Variants in THEMIS observed in about 807,000 individuals in gnomAD.
THEMIS encodes the protein thymocyte selection associated, also known as protein THEMIS.
THEMIS carries 37 observed loss-of-function variants against 52.6 expected under a neutral mutation model. That is an observed-to-expected ratio of 0.70 (90% CI 0.54 to 0.93). The LOEUF (loss-of-function observed/expected upper bound fraction) is 0.93, where lower values mean the gene tolerates loss of function less well. Among genes scored for constraint, THEMIS ranks in the 40% least tolerant of loss-of-function variants. THEMIS has a pLI of 0.00. For missense variants in THEMIS, 808 were observed against 763.1 expected, an observed-to-expected ratio of 1.06 and a Z score of -0.69; for synonymous variants, 292 against 272.7, an observed-to-expected ratio of 1.07 and a Z score of -0.70.
intron 1 of THEMIS, among the ~76,000 whole-genome samples, chr6:127,870,248 A>T (rs1447802050): frequency 6.6e-6 from 1 of 152,174 alleles, no homozygotes; most frequent in East Asian, 1.9e-4. Flanking sequence ...GCCCAGTAAT[A>T]AGGCAATGCT....
chr6:127,784,987 CTATCTATCTATCTATCTAT>C (rs746205284), intron 4 of THEMIS, among the ~76,000 whole-genome samples: 9,840 of 144,048 alleles, frequency 0.068, 334 homozygotes, highest in Non-Finnish European at 0.083. Flanking sequence ...ATCTATCTAT[CTATCTATCTATCTATCTAT>C]TATCTATCTA....
At chr6:127,786,519 G>T (rs1776953877) in intron 4 of THEMIS, among the ~76,000 whole-genome samples, 1 of 152,164 alleles carries the variant, frequency 6.6e-6, no homozygotes, top group African/African-American at 2.4e-5. Context: ...AGCCAGTGTT[G>T]GTTGAGTATT....
chr6:127,897,587 T>C (rs767499096), intron 1 of THEMIS, among the ~76,000 whole-genome samples: 6 of 151,564 alleles, frequency 4.0e-5, no homozygotes, highest in Non-Finnish European at 7.4e-5. Flanking sequence ...ACTAAAACCA[T>C]GAGCTACCAC....
chr6:127,767,933 A>T (rs1776255887), intron 4 of THEMIS, among the ~76,000 whole-genome samples: 1 of 152,140 alleles, frequency 6.6e-6, no homozygotes, highest in South Asian at 2.1e-4. Context: ...TTATGAGACC[A>T]CTGTATATAT....
intron 4 of THEMIS, among the ~76,000 whole-genome samples, chr6:127,755,652 C>T (rs1244851183): frequency 6.6e-6 from 1 of 152,160 alleles, no homozygotes; most frequent in Non-Finnish European, 1.5e-5. Flanking sequence ...CATTCAAGCA[C>T]AGAAGAGGAT....
At chr6:127,793,329 T>C (rs1562261346) in intron 4 of THEMIS, among the ~76,000 whole-genome samples, 1 of 152,196 alleles carries the variant, frequency 6.6e-6, no homozygotes, top group Non-Finnish European at 1.5e-5. Flanking sequence ...GGAACCTCCA[T>C]GTGCATATCT....
chr6:127,743,699 A>G (rs143465592), intron 4 of THEMIS, among the ~76,000 whole-genome samples: 2 of 152,094 alleles, frequency 1.3e-5, no homozygotes, highest in Non-Finnish European at 2.9e-5. Flanking sequence ...GATGAAAAGG[A>G]TGATGATTAA....
In THEMIS at chr6:127,784,049, T is replaced by C. The variant is rs536238785; in HGVS notation, c.1758+28834A>G. ...GGCACATATACACCATGGAATACTA[T>C]GCAGACATACAAAAGGATGAGTTCA... On this transcript the variant is annotated intron_variant, in intron 4 of 5. Transcript: ENST00000368248. Among the ~76,000 whole-genome samples the C allele has an allele frequency of 3.3e-5, 5 of 152,294 alleles. 1 individual carries two copies. The highest frequency in any genetic ancestry group is 9.6e-5 in the African/African-American group (4 of 41,568).
intron 3 of THEMIS, among the ~76,000 whole-genome samples, chr6:127,819,306 T>C (rs1409761180): frequency 6.6e-6 from 1 of 151,704 alleles, no homozygotes; most frequent in Non-Finnish European, 1.5e-5. Flanking sequence ...TAGAACATAA[T>C]ATAATATCCA....
chr6:127,866,678 A>C (rs1167249102), intron 1 of THEMIS, among the ~76,000 whole-genome samples: 1 of 152,002 alleles, frequency 6.6e-6, no homozygotes, highest in Non-Finnish European at 1.5e-5. Context: ...AAAAATACTC[A>C]ATAATCACTC....
At chr6:127,816,249 G>T (rs1778129588) in intron 3 of THEMIS, among the ~76,000 whole-genome samples, 1 of 135,430 alleles carries the variant, frequency 7.4e-6, no homozygotes, top group Non-Finnish European at 1.6e-5. Flanking sequence ...CACCTTTTAG[G>T]GTGTCTTGGT....
chr6:127,829,577 G>T lies in THEMIS; in HGVS notation c.608C>A (p.Thr203Lys). 1 of 1,614,054 alleles carries T rather than the reference G, an allele frequency of 6.2e-7. No individual in the cohort carries two copies. The highest frequency in any genetic ancestry group is 8.5e-7 in the Non-Finnish European group (1 of 1,179,984). ...TGAGTCCCACTTATTTGAAAAATCTGTAAGGTTTACAGTTCTTGTTCTGTT... is the reference window on the plus strand; with the variant it reads ...TGAGTCCCACTTATTTGAAAAATCTTTAAGGTTTACAGTTCTTGTTCTGTT... ...PKNRTRTVNL[T>K]DFSNKWDSTN... The change falls in exon 3 of 6, where the codon ACA (threonine) becomes AAA (lysine). Residue 203 changes from threonine to lysine, a missense_variant. By Grantham distance (78) the Thr-to-Lys change is moderately conservative. Transcript: ENST00000368248.
intron 2 of THEMIS, among the ~76,000 whole-genome samples, chr6:127,848,597 AC>A (rs1779306552): frequency 6.6e-6 from 1 of 151,946 alleles, no homozygotes; most frequent in Admixed American, 6.6e-5. Flanking sequence ...TTGTTTCCTG[AC>A]TTTTTAATGA....
chr6:127,766,880 T>C (rs1776217892), intron 4 of THEMIS, among the ~76,000 whole-genome samples: 1 of 152,274 alleles, frequency 6.6e-6, no homozygotes. Context: ...TATGAAGGCC[T>C]AGGACATTAC....
chr6:127,894,235 C>T (rs1780897703), intron 1 of THEMIS, among the ~76,000 whole-genome samples: 1 of 151,644 alleles, frequency 6.6e-6, no homozygotes, highest in Non-Finnish European at 1.5e-5. Context: ...ACAAAGCATA[C>T]TTTTTTTTAG....
chr6:127,728,301 T>C (rs1774624499), intron 4 of THEMIS, among the ~76,000 whole-genome samples: 1 of 152,092 alleles, frequency 6.6e-6, no homozygotes. Flanking sequence ...GGGGCGTTGT[T>C]TTGGTTTTAT....
At chr6:127,860,146 G>C (rs1313684398) in intron 1 of THEMIS, among the ~76,000 whole-genome samples, 1 of 152,050 alleles carries the variant, frequency 6.6e-6, no homozygotes, top group Non-Finnish European at 1.5e-5. Context: ...CATTTATATG[G>C]CCAGTCTTCC....
chr6:127,749,875 T>C (rs12204809), intron 4 of THEMIS, among the ~76,000 whole-genome samples: 9,038 of 151,056 alleles, frequency 0.06, 347 homozygotes, highest in African/African-American at 0.098. Context: ...ATGAGTTTTA[T>C]AGAATATAGG....
intron 1 of THEMIS, among the ~76,000 whole-genome samples, chr6:127,915,965 T>G (rs895148818): frequency 1.3e-5 from 2 of 152,102 alleles, no homozygotes; most frequent in Non-Finnish European, 2.9e-5. Flanking sequence ...CCAGCCTTGG[T>G]GACAGAGCAC....
Sources: allele counts gnomAD v4.1 joint callset (sites outside exome capture counted in the v4.1 genomes callset), GRCh38; gene constraint gnomAD v4.1.1; transcripts MANE v1.5; gene names NCBI Gene and HGNC (gene_info 2026-07-23, HGNC 2026-07-21).